The following ASL variants were observed in gnomAD, a reference collection of about 807,000 sequenced individuals.
ASL encodes argininosuccinate lyase.
A neutral mutation model predicts 69.1 loss-of-function variants in ASL; 51 were observed. That is an observed-to-expected ratio of 0.74 (90% CI 0.59 to 0.93). The LOEUF is 0.93. ASL is among the 40% of genes least tolerant of loss of function. The pLI is 0.00. For synonymous variants in ASL, 241 were observed against 247.6 expected (o/e 0.97, Z 0.25); for missense variants, 540 against 623.9 (o/e 0.87, Z 1.43).
At chr7:66,083,577 G>A (rs1786574036) in intron 6 of ASL, among the ~76,000 whole-genome samples, 1 of 151,878 alleles carries the variant, frequency 6.6e-6, no homozygotes, top group Non-Finnish European at 1.5e-5. Context: ...CCAGCTACTC[G>A]GGAGCCTGAG....
intron 6 of ASL, 114 bp downstream of exon 6, chr7:66,083,288 G>A (rs1786565293): frequency 3.4e-6 from 4 of 1,165,378 alleles, no homozygotes; most frequent in South Asian, 2.7e-5. Context: ...GGGGACAGGG[G>A]CATCCCAGAA....
In ASL at chr7:66,093,374, G is replaced by A; in HGVS notation, c.*462G>A. 6.9e-6 allele frequency: 2 copies of A among 289,570 alleles called. No individual in the cohort carries two copies. Among genetic ancestry groups the A allele is most frequent in the Non-Finnish European group, 1.4e-5 (2 of 146,822 alleles). The allele number at this position is 289,570 out of a possible 1,614,324, so 17.9% of individuals were successfully genotyped here. The stretch of plus-strand genomic sequence containing the variant: ...GCGGAGAAAACTGGGCAAGGGCAAT[G>A]AGAGTCGTAGACGGGAAGGGAAGAG... On this transcript the variant is annotated 3_prime_UTR_variant, in exon 17 of 17. Coordinates refer to ENST00000304874, the MANE Select transcript of ASL (RefSeq NM_000048.4).
Position 66,093,102 on chromosome 7 carries a change from G to A in ASL, c.*190G>A. 1 of 891,146 alleles carries A rather than the reference G, an allele frequency of 1.1e-6. No homozygotes were observed. Among genetic ancestry groups the A allele is most frequent in the Non-Finnish European group, 1.7e-6 (1 of 583,710 alleles). 55.2% of individuals were successfully genotyped at this position (891,146 alleles called of 1,614,324 possible). On this transcript the variant is annotated 3_prime_UTR_variant, in exon 17 of 17. Transcript: ENST00000304874. ...AAGGGCAAGGTGCGAGGATGCTTGA[G>A]GCCAGGAGTTTGACACAGCCTGGGC...
In ASL at chr7:66,092,045, A is replaced by C; in HGVS notation, c.1102A>C (p.Met368Leu). The change falls in exon 15 of 17, where the codon ATG becomes CTG. Residue 368 changes from methionine to leucine, a missense_variant. Met to Leu is a conservative substitution (Grantham distance 15, BLOSUM62 2). Coordinates refer to ENST00000304874, the MANE Select transcript of ASL (RefSeq NM_000048.4). ...ENMGQALSPD[M>L]LATDLAYYLV... ...CATGGGACAGGCTCTCAGCCCCGACATGCTGGCCACTGACCTTGCCTATTA... is the reference window on the plus strand; with the variant it reads ...CATGGGACAGGCTCTCAGCCCCGACCTGCTGGCCACTGACCTTGCCTATTA... 6.2e-7 allele frequency: 1 copy of C among 1,613,540 alleles called. No homozygotes were observed. Among genetic ancestry groups the C allele is most frequent in the African/African-American group, 1.3e-5 (1 of 75,036 alleles).
chr7:66,087,929 G>T, intron 10 of ASL, 138 bp downstream of exon 10: 4 of 1,117,624 alleles, frequency 3.6e-6, no homozygotes. Flanking sequence ...ACCTTAAATG[G>T]GTAAAGTGGG....
In ASL at chr7:66,087,402, C is replaced by T. The variant is rs745526736; in HGVS notation, c.655+16C>T. The T allele has an allele frequency of 3.1e-6, 5 of 1,606,750 alleles. No homozygotes were observed. The highest frequency in any genetic ancestry group is 4.2e-6 in the Non-Finnish European group (5 of 1,179,858). ...CTCCGAGCAGGTGAGACGTCCTGCC[C>T]CTCCTCCCCAGGGAGAATCACCCTC... On this transcript the variant is annotated intron_variant, in intron 9 of 16. Transcript: ENST00000304874.
At chr7:66,084,856 T>C (rs905395772) in intron 6 of ASL, among the ~76,000 whole-genome samples, 4 of 152,062 alleles carry the variant, frequency 2.6e-5, no homozygotes, top group Admixed American at 2.0e-4. Flanking sequence ...CCCGACCTCA[T>C]GATCCACCCA....
chr7:66,075,855 A>C lies in ASL; in HGVS notation c.-45A>C. 1.8e-6 allele frequency: 1 copy of C among 554,716 alleles called. No homozygotes were observed. Among genetic ancestry groups the C allele is most frequent in the South Asian group, 2.2e-5 (1 of 46,164 alleles). The allele number at this position is 554,716 out of a possible 1,614,324, so 34.4% of individuals were successfully genotyped here. ...CGACACTATCCGTGCGGCCAGGCGG[A>C]GGTGAGTGCGCGGCGGCCGGATGGG... On this transcript the variant is annotated splice_region_variant and 5_prime_UTR_variant, in exon 1 of 17. Transcript: ENST00000304874.
chr7:66,089,534 C>T, intron 13 of ASL, 78 bp from the exon 14 acceptor site: 2 of 1,523,910 alleles, frequency 1.3e-6, no homozygotes, highest in South Asian at 2.3e-5. Context: ...GGGGATGCCT[C>T]AGTGGGGGGG....
chr7:66,077,021 T>C (rs900921003), intron 2 of ASL, among the ~76,000 whole-genome samples: 1 of 152,154 alleles, frequency 6.6e-6, no homozygotes, highest in Non-Finnish European at 1.5e-5. Context: ...TCTGTACCAG[T>C]CACTTGAGCC....
rs1786887684 is a variant in ASL, at chr7:66,092,770, C to G, written c.1253C>G (p.Pro418Arg). Reference protein sequence around the residue: ...LSLQELQTISPLFSGDVICVW... With the variant: ...LSLQELQTISRLFSGDVICVW... ...CCCACCTCTTCCTCTCTCCCCAGCC[C>G]CCTGTTCTCGGGCGACGTGATCTGC... Residue 418 changes from proline (P) to arginine (R), a missense_variant and splice_region_variant, in exon 17 of 17, where the codon CCC (proline) becomes CGC (arginine). Transcript: ENST00000304874. The G allele has an allele frequency of 3.1e-6, 5 of 1,613,764 alleles. No homozygotes were observed. Among genetic ancestry groups the G allele is most frequent in the Non-Finnish European group, 4.2e-6 (5 of 1,179,994 alleles).
At position 66,092,801 on chromosome 7, in the gene ASL, G is replaced by C; in HGVS notation, c.1284G>C (p.Trp428Cys). The change falls in exon 17 of 17, where the codon TGG becomes TGC. Residue 428 changes from tryptophan (W) to cysteine (C), a missense_variant. Transcript: ENST00000304874. ...TCTCGGGCGACGTGATCTGCGTGTG[G>C]GACTACGGGCACAGTGTGGAGCAGT... The part of the protein sequence containing the change: ...PLFSGDVICV[W>C]DYGHSVEQYG... 3.1e-6 allele frequency: 5 copies of C among 1,613,922 alleles called. No homozygotes were observed. Among genetic ancestry groups the C allele is most frequent in the Non-Finnish European group, 4.2e-6 (5 of 1,180,014 alleles).
chr7:66,086,730 C>T lies in ASL; in HGVS notation c.525-14C>T, dbSNP rs1402079158. On this transcript the variant is annotated splice_polypyrimidine_tract_variant and intron_variant, in intron 7 of 16. Transcript: ENST00000304874. Reference sequence around the variant, plus strand: ...CCCGGCTGCCCTGACCCTCCTGCCCCTGGCTTCCCACAGCCACGCCGTGGC... The same window carrying T: ...CCCGGCTGCCCTGACCCTCCTGCCCTTGGCTTCCCACAGCCACGCCGTGGC... 2 of 1,609,208 alleles carry T rather than the reference C, an allele frequency of 1.2e-6. No homozygotes were observed. The highest frequency in any genetic ancestry group is 2.2e-5 in the East Asian group (1 of 44,758).
chr7:66,077,494 C>G (rs963929794), intron 2 of ASL, among the ~76,000 whole-genome samples: 1 of 151,820 alleles, frequency 6.6e-6, no homozygotes, highest in Non-Finnish European at 1.5e-5. Flanking sequence ...TTTGGGAGGT[C>G]GAGGTGGGCA....
rs558533355 is a variant in ASL, at chr7:66,092,148, G to T, written c.1143+62G>T. On this transcript the variant is annotated intron_variant, in intron 15 of 16. Coordinates refer to ENST00000304874, the MANE Select transcript of ASL (RefSeq NM_000048.4). ...GGGGTGCCCCCCCCAGAGGGTGGGGGAGCTCAGGAATGGGTGCAAGCGGCC... is the reference window on the plus strand; with the variant it reads ...GGGGTGCCCCCCCCAGAGGGTGGGGTAGCTCAGGAATGGGTGCAAGCGGCC... The T allele has an allele frequency of 1.5e-5, 23 of 1,582,264 alleles. No homozygotes were observed. In the African/African-American group the frequency reaches 2.7e-4, roughly 18 times the overall value.
At chr7:66,092,164 G>A in intron 15 of ASL, 78 bp downstream of exon 15, 6 of 1,541,686 alleles carry the variant, frequency 3.9e-6, no homozygotes, top group Non-Finnish European at 4.4e-6. Context: ...AGGAATGGGT[G>A]CAAGCGGCCC....
At chr7:66,089,230 G>T in intron 12 of ASL, 46 bp from the exon 13 acceptor site, 4 of 1,611,958 alleles carry the variant, frequency 2.5e-6, no homozygotes, top group Non-Finnish European at 3.4e-6. Flanking sequence ...GGTGGCCAGG[G>T]GGGCAGGATC....
chr7:66,086,736 T>C lies in ASL; in HGVS notation c.525-8T>C. 2 of 1,608,634 alleles carry C rather than the reference T, an allele frequency of 1.2e-6. No homozygotes were observed. Among genetic ancestry groups the C allele is most frequent in the Non-Finnish European group, 1.7e-6 (2 of 1,178,142 alleles). The stretch of plus-strand genomic sequence containing the variant: ...TGCCCTGACCCTCCTGCCCCTGGCT[T>C]CCCACAGCCACGCCGTGGCACTGAC... On this transcript the variant is annotated splice_region_variant and splice_polypyrimidine_tract_variant and intron_variant, in intron 7 of 16. Coordinates refer to ENST00000304874, the MANE Select transcript of ASL (RefSeq NM_000048.4).
At position 66,092,829 on chromosome 7, in the gene ASL, G is replaced by A; in HGVS notation, c.1312G>A (p.Gly438Ser). The A allele has an allele frequency of 6.2e-7, 1 of 1,613,760 alleles. No individual in the cohort carries two copies. The highest frequency in any genetic ancestry group is 1.1e-5 in the South Asian group (1 of 91,092). Residue 438 changes from glycine (G) to serine (S), a missense_variant, in exon 17 of 17, where the codon GGT (glycine) becomes AGT (serine). By Grantham distance (56) the Gly-to-Ser change is moderately conservative. Coordinates refer to ENST00000304874, the MANE Select transcript of ASL (RefSeq NM_000048.4). ...WDYGHSVEQY[G>S]ALGGTARSSV... ...CTACGGGCACAGTGTGGAGCAGTATGGTGCCCTGGGCGGCACTGCGCGCTC... is the reference window on the plus strand; with the variant it reads ...CTACGGGCACAGTGTGGAGCAGTATAGTGCCCTGGGCGGCACTGCGCGCTC...
Sources: allele counts gnomAD v4.1 joint callset (sites outside exome capture counted in the v4.1 genomes callset), GRCh38; gene constraint gnomAD v4.1.1; transcripts MANE v1.5; gene names NCBI Gene and HGNC (gene_info 2026-07-23, HGNC 2026-07-21).